Variants in RPP30 observed in about 807,000 individuals in gnomAD.
RPP30 encodes the protein ribonuclease P/MRP subunit p30, also known as ribonuclease P protein subunit p30.
RPP30 carries 36 observed loss-of-function variants against 38.6 expected under a neutral mutation model. The ratio of observed to expected loss-of-function variants is 0.93; its 90% CI spans 0.71 to 1.23. The LOEUF is 1.23. Ranked by LOEUF, RPP30 falls within the 50% of genes most tolerant of loss-of-function variation. The probability of loss-of-function intolerance (pLI) is 0.00; values close to 1 mark genes in which losing one functional copy is unlikely to be tolerated. For synonymous variants in RPP30, 126 were observed against 112.7 expected (o/e 1.12, Z -0.75); for missense variants, 321 against 321.7 (o/e 1.00, Z 0.02).
At chr10:90,887,576 G>A (rs953196759) in intron 6 of RPP30, among the ~76,000 whole-genome samples, 5 of 151,948 alleles carry the variant, frequency 3.3e-5, no homozygotes, top group African/African-American at 1.2e-4. Context: ...TAGTAGAGAT[G>A]GGGTTTTACC....
intron 3 of RPP30, 139 bp downstream of exon 3, chr10:90,875,753 A>T (rs1846843681): frequency 4.1e-6 from 3 of 736,628 alleles, no homozygotes; most frequent in Admixed American, 2.4e-5. Flanking sequence ...TCAGCTCTTC[A>T]GGAAACATTC....
downstream of RPP30, chr10:90,908,135 T>G (rs1847273381): frequency 6.6e-6 from 1 of 152,218 alleles, no homozygotes; most frequent in South Asian, 2.1e-4. Context: ...ACAGCTAGGA[T>G]GTTGCTATCA....
chr10:90,900,278 C>G (rs1180234800), intron 10 of RPP30, among the ~76,000 whole-genome samples: 1 of 152,214 alleles, frequency 6.6e-6, no homozygotes, highest in Non-Finnish European at 1.5e-5. Context: ...ACATCAATGT[C>G]TGTGACTGGG....
intron 5 of RPP30, among the ~76,000 whole-genome samples, chr10:90,883,569 T>C (rs1846960560): frequency 6.6e-6 from 1 of 152,196 alleles, no homozygotes; most frequent in Non-Finnish European, 1.5e-5. Flanking sequence ...GAGGGAGCCA[T>C]GTGGAGCTGT....
chr10:90,894,107 A>G (rs1847112457), intron 6 of RPP30, among the ~76,000 whole-genome samples: 1 of 152,236 alleles, frequency 6.6e-6, no homozygotes, highest in South Asian at 2.1e-4. Flanking sequence ...CTATAAGCCC[A>G]GTGAAAAATC....
chr10:90,895,545 G>T, intron 8 of RPP30, 62 bp downstream of exon 8: 1 of 957,248 alleles, frequency 1.0e-6, no homozygotes. Flanking sequence ...TCAGTTTCTA[G>T]GGGATAAATT....
At position 90,900,943 on chromosome 10, in the gene RPP30, A is replaced by G. The variant is rs1847192737; in HGVS notation, c.*264A>G. 4 of 1,152,884 alleles carry G rather than the reference A, an allele frequency of 3.5e-6. No homozygotes were observed. The allele number at this position is 1,152,884 out of a possible 1,614,324, so 71.4% of individuals were successfully genotyped here. ...TTTCTCCTTTGTGTAAGTGATAAAC[A>G]ACAGCAAATATACTTGAATAAAATG... On this transcript the variant is annotated 3_prime_UTR_variant, in exon 11 of 11. Coordinates refer to ENST00000371703, the MANE Select transcript of RPP30 (RefSeq NM_006413.5).
intron 5 of RPP30, among the ~76,000 whole-genome samples, chr10:90,885,485 G>T (rs1227236069): frequency 6.6e-6 from 1 of 152,208 alleles, no homozygotes. Context: ...TTCTGGGACA[G>T]TCTGAAGTAA....
intron 6 of RPP30, among the ~76,000 whole-genome samples, chr10:90,890,112 G>A (rs549007718): frequency 2.0e-4 from 31 of 152,286 alleles, no homozygotes; most frequent in African/African-American, 7.2e-4. Flanking sequence ...ACAGTTAAAT[G>A]ACTCTCTCAA....
At position 90,884,707 on chromosome 10, in the gene RPP30, G is replaced by T. The variant is rs554997858; in HGVS notation, c.343-1105G>T. 1.8e-3 allele frequency among the ~76,000 whole-genome samples: 276 copies of T among 152,256 alleles called. 5 individuals carry two copies. The South Asian group carries it at 0.027, about 15-fold the overall frequency. The stretch of plus-strand genomic sequence containing the variant: ...GGGTTGGAGTAGGAGTGACTGAAGT[G>T]GGGATTCTGAAGAAAAAGGGCAAGA... On this transcript the variant is annotated intron_variant, in intron 5 of 10. Transcript: ENST00000371703.
In RPP30 at chr10:90,872,040, G is replaced by C. The variant is rs975527753; in HGVS notation, c.54G>C (p.Leu18=). 22 of 1,614,070 alleles carry C rather than the reference G, an allele frequency of 1.4e-5. No individual in the cohort carries two copies. The highest frequency in any genetic ancestry group is 8.3e-5 in the Admixed American group (5 of 60,012). ...DLRAGSDLKA[L]RGLVETAAHL... ...GAGCGGGTTCTGACCTGAAGGCTCT[G>C]CGCGGACTTGTGGAGACAGCCGCTC... The change falls in exon 1 of 11, where the codon CTG becomes CTC. Residue 18 remains leucine (L), a synonymous_variant. Coordinates refer to ENST00000371703, the MANE Select transcript of RPP30 (RefSeq NM_006413.5).
intron 10 of RPP30, among the ~76,000 whole-genome samples, chr10:90,897,888 A>G (rs749274634): frequency 4.6e-5 from 7 of 152,294 alleles, no homozygotes; most frequent in Middle Eastern, 3.4e-3. Flanking sequence ...TACATCATGG[A>G]AAATGGGGTG....
intron 6 of RPP30, among the ~76,000 whole-genome samples, chr10:90,887,628 G>T (rs547369936): frequency 6.6e-6 from 1 of 151,812 alleles, no homozygotes; most frequent in African/African-American, 2.4e-5. Flanking sequence ...CTTGTGATCC[G>T]CCCGCCTCAG....
chr10:90,883,849 C>T (rs751844522), intron 5 of RPP30, among the ~76,000 whole-genome samples: 14 of 152,152 alleles, frequency 9.2e-5, no homozygotes, highest in Non-Finnish European at 1.5e-4. Context: ...CTTACTTCCA[C>T]CTAAAATTCC....
At chr10:90,878,968 C>T in intron 4 of RPP30, 95 bp from the exon 5 acceptor site, 1 of 1,031,850 alleles carries the variant, frequency 9.7e-7, no homozygotes, top group Non-Finnish European at 1.5e-6. Context: ...TAGAAGTGTT[C>T]CATGATTGAA....
At chr10:90,879,035 T>C in intron 4 of RPP30, 28 bp from the exon 5 acceptor site, 2 of 1,588,878 alleles carry the variant, frequency 1.3e-6, no homozygotes, top group Non-Finnish European at 1.7e-6. Context: ...TTTGTTATTG[T>C]ATGATAACAT....
chr10:90,873,076 A>G (rs1846803598), intron 1 of RPP30, among the ~76,000 whole-genome samples: 2 of 152,186 alleles, frequency 1.3e-5, no homozygotes, highest in African/African-American at 4.8e-5. Flanking sequence ...TCCTGACGCC[A>G]TCCCATTTTT....
chr10:90,875,864 C>G (rs1846845111), intron 3 of RPP30, among the ~76,000 whole-genome samples, 160 bp from the exon 4 acceptor site: 1 of 152,168 alleles, frequency 6.6e-6, no homozygotes, highest in Non-Finnish European at 1.5e-5. Flanking sequence ...ACATCTCTTT[C>G]TGTGGCTGTA....
intron 4 of RPP30, among the ~76,000 whole-genome samples, chr10:90,877,617 A>G (rs1396926646): frequency 6.6e-6 from 1 of 151,988 alleles, no homozygotes; most frequent in Non-Finnish European, 1.5e-5. Flanking sequence ...TCAAGCAGAC[A>G]GGCAAAAAAA....
Sources: gnomAD v4.1 joint callset for allele counts (sites outside exome capture counted in the v4.1 genomes callset) on GRCh38, gnomAD v4.1.1 for gene constraint, MANE v1.5 for transcripts, NCBI Gene and HGNC (gene_info 2026-07-23, HGNC 2026-07-21) for gene names.